COL24A1: variants seen among roughly 807,000 people sequenced by gnomAD.
COL24A1 encodes the protein collagen alpha-1(XXIV) chain.
In COL24A1, 224 loss-of-function variants were observed where a neutral mutation model predicts 253.9. That is an observed-to-expected ratio of 0.88 (90% CI 0.79 to 0.99). The LOEUF (loss-of-function observed/expected upper bound fraction) is 0.99, where lower values mean the gene tolerates loss of function less well. COL24A1 is among the 50% of genes least tolerant of loss of function. The probability of loss-of-function intolerance (pLI) is 0.00; values close to 1 mark genes in which losing one functional copy is unlikely to be tolerated. For missense variants in COL24A1, 2,131 were observed against 2,068.5 expected, an observed-to-expected ratio of 1.03 and a Z score of -0.59; for synonymous variants, 685 against 673.7, an observed-to-expected ratio of 1.02 and a Z score of -0.26.
At chr1:86,090,972 G>A (rs1207816726) in intron 6 of COL24A1, among the ~76,000 whole-genome samples, 3 of 151,768 alleles carry the variant, frequency 2.0e-5, no homozygotes, top group African/African-American at 7.3e-5. Context: ...TTAATCTAGG[G>A]GTTTTACTTA....
intron 52 of COL24A1, among the ~76,000 whole-genome samples, chr1:85,780,124 T>C (rs1668999210): frequency 6.6e-6 from 1 of 152,188 alleles, no homozygotes; most frequent in African/African-American, 2.4e-5. Flanking sequence ...TACAATCTTA[T>C]ATAGCTCCGA....
intron 47 of COL24A1, among the ~76,000 whole-genome samples, chr1:85,810,807 C>T (rs1047116713): frequency 4.6e-5 from 7 of 152,168 alleles, no homozygotes; most frequent in African/African-American, 1.7e-4. Context: ...CAGCACCATG[C>T]TTCCTGTAAA....
chr1:85,997,845 A>G (rs1695001923), intron 19 of COL24A1, among the ~76,000 whole-genome samples: 1 of 152,158 alleles, frequency 6.6e-6, no homozygotes, highest in African/African-American at 2.4e-5. Flanking sequence ...GATATAAGGA[A>G]AAAAAGAGTG....
rs113420368 is a variant in COL24A1, at chr1:86,067,148, G to GA, written c.1708-3390dup. On this transcript the variant is annotated intron_variant, in intron 7 of 59. Coordinates refer to ENST00000370571, the MANE Select transcript of COL24A1 (RefSeq NM_152890.7). ...AGCAAGACTCCATCTCAAAAAAGAA[G>GA]AAAAAAAAAAAAAGAGTTACTTCAG... is the stretch of plus-strand genomic sequence containing the variant. Among the ~76,000 whole-genome samples, 696 of 125,724 alleles carry GA rather than the reference G, an allele frequency of 5.5e-3. 2 individuals carry two copies. Among genetic ancestry groups the GA allele is most frequent in the African/African-American group, 0.011 (382 of 34,030 alleles). The allele number at this position is 125,724 out of a possible 152,430, so 82.5% of individuals were successfully genotyped here. A position where few individuals can be genotyped will look rare whatever the true frequency, so the allele number is the denominator to read the frequency against.
intron 3 of COL24A1, among the ~76,000 whole-genome samples, chr1:86,121,813 A>T (rs1647399893): frequency 6.6e-6 from 1 of 152,176 alleles, no homozygotes; most frequent in Non-Finnish European, 1.5e-5. Flanking sequence ...TTTGGTTATT[A>T]TAAGGGGAGG....
intron 11 of COL24A1, among the ~76,000 whole-genome samples, chr1:86,047,281 C>T (rs1432392721): frequency 6.6e-6 from 1 of 152,180 alleles, no homozygotes; most frequent in Non-Finnish European, 1.5e-5. Flanking sequence ...AACCTGTGCA[C>T]TGGCAATCTT....
intron 32 of COL24A1, among the ~76,000 whole-genome samples, chr1:85,882,477 C>CA (rs1201176382): frequency 6.6e-6 from 1 of 151,880 alleles, no homozygotes; most frequent in African/African-American, 2.4e-5. Context: ...AAACAAAAAA[C>CA]AAAAAACAAA....
chr1:86,149,181 C>A (rs1332182394), intron 1 of COL24A1, among the ~76,000 whole-genome samples: 6 of 152,178 alleles, frequency 3.9e-5, no homozygotes, highest in Non-Finnish European at 7.3e-5. Context: ...AGGCATGAGC[C>A]ACCATGCCTG....
intron 19 of COL24A1, among the ~76,000 whole-genome samples, chr1:85,992,865 T>A (rs1694419671): frequency 6.6e-6 from 1 of 152,168 alleles, no homozygotes. Flanking sequence ...GCTTCTGGTG[T>A]CTTCTTAATA....
At chr1:86,108,620 T>TAAAGAAAAAAAAAAAAAA (rs1491169938) in intron 5 of COL24A1, among the ~76,000 whole-genome samples, 5 of 83,102 alleles carry the variant, frequency 6.0e-5, no homozygotes, top group African/African-American at 2.6e-4. Flanking sequence ...CCATCTCTAC[T>TAAAGAAAAAAAAAAAAAA]AAAAAAAAAA....
chr1:86,054,410 A>G (rs1342224273), intron 10 of COL24A1, among the ~76,000 whole-genome samples: 2 of 152,186 alleles, frequency 1.3e-5, no homozygotes, highest in Non-Finnish European at 2.9e-5. Context: ...ACAAAGGACT[A>G]ATATCCAGAA....
chr1:85,837,126 T>C (rs1473770875), intron 43 of COL24A1, among the ~76,000 whole-genome samples: 5 of 152,202 alleles, frequency 3.3e-5, no homozygotes, highest in Non-Finnish European at 7.3e-5. Flanking sequence ...TTGGGTTGGC[T>C]TCTCAACTCG....
At chr1:86,119,632 T>A (rs955644271) in intron 3 of COL24A1, among the ~76,000 whole-genome samples, 4 of 152,034 alleles carry the variant, frequency 2.6e-5, no homozygotes. Flanking sequence ...ACAAAACAAA[T>A]ATGGTAAGAT....
At chr1:85,762,218 T>A (rs894388633) in intron 53 of COL24A1, among the ~76,000 whole-genome samples, 1 of 152,316 alleles carries the variant, frequency 6.6e-6, no homozygotes, top group South Asian at 2.1e-4. Context: ...GTTAAGACTA[T>A]ATTGAGTCAA....
intron 24 of COL24A1, among the ~76,000 whole-genome samples, chr1:85,942,375 TA>T (rs1380595466): frequency 6.6e-6 from 1 of 152,222 alleles, no homozygotes; most frequent in Non-Finnish European, 1.5e-5. Context: ...CCTCTTGTAT[TA>T]CTTATTCCTG....
chr1:86,083,607 T>C (rs954481705), intron 7 of COL24A1, among the ~76,000 whole-genome samples: 4 of 152,068 alleles, frequency 2.6e-5, no homozygotes, highest in South Asian at 2.1e-4. Flanking sequence ...CGCATAATCA[T>C]GTAAAAGGCA....
chr1:85,961,192 A>G (rs1020798390), intron 24 of COL24A1, 57 bp downstream of exon 24: 66 of 1,268,266 alleles, frequency 5.2e-5, no homozygotes, highest in Middle Eastern at 1.9e-4. Context: ...CATGGCTAAT[A>G]TGATTCCTAA....
chr1:85,776,673 A>G (rs2101467869), intron 52 of COL24A1, among the ~76,000 whole-genome samples: 1 of 151,950 alleles, frequency 6.6e-6, no homozygotes. Flanking sequence ...ACTTTTTGCT[A>G]ATTTTTGTCA....
At chr1:86,052,148 C>T (rs566584163) in intron 10 of COL24A1, among the ~76,000 whole-genome samples, 30 of 152,102 alleles carry the variant, frequency 2.0e-4, no homozygotes, top group African/African-American at 7.0e-4. Flanking sequence ...AGTAGAGATA[C>T]AGTAGGTCAA....
Sources: gnomAD v4.1 joint callset for allele counts (sites outside exome capture counted in the v4.1 genomes callset) on GRCh38, gnomAD v4.1.1 for gene constraint, MANE v1.5 for transcripts, NCBI Gene and HGNC (gene_info 2026-07-23, HGNC 2026-07-21) for gene names.